UBASH3B: variants seen among roughly 807,000 people sequenced by gnomAD.
UBASH3B encodes ubiquitin associated and SH3 domain containing B, also known as ubiquitin-associated and SH3 domain-containing protein B.
UBASH3B carries 37 observed loss-of-function variants against 83.4 expected under a neutral mutation model. The ratio of observed to expected loss-of-function variants is 0.44; its 90% confidence interval spans 0.34 to 0.58. UBASH3B has a LOEUF of 0.58. UBASH3B is among the 20% of genes least tolerant of loss of function. The pLI is 0.01. For missense variants in UBASH3B, 657 were observed against 827.2 expected, an observed-to-expected ratio of 0.79 and a Z score of 2.52; for synonymous variants, 304 against 318.3, an observed-to-expected ratio of 0.96 and a Z score of 0.48.
chr11:122,792,982 T>C (rs1244307837), intron 6 of UBASH3B, among the ~76,000 whole-genome samples: 1 of 152,196 alleles, frequency 6.6e-6, no homozygotes, highest in African/African-American at 2.4e-5. Flanking sequence ...AATGAGTCTA[T>C]CACTTCTAGT....
intron 1 of UBASH3B, among the ~76,000 whole-genome samples, chr11:122,761,269 T>A (rs1441792817): frequency 6.6e-6 from 1 of 152,152 alleles, no homozygotes; most frequent in Non-Finnish European, 1.5e-5. Context: ...TTGTGTTTAC[T>A]CACATATTCT....
intron 1 of UBASH3B, among the ~76,000 whole-genome samples, chr11:122,696,062 G>C (rs1303516125): frequency 2.0e-5 from 3 of 152,114 alleles, no homozygotes; most frequent in Non-Finnish European, 4.4e-5. Context: ...CGAATCTCCT[G>C]CCTCAGCCAC....
At chr11:122,734,686 C>T (rs117233700) in intron 1 of UBASH3B, among the ~76,000 whole-genome samples, 1,902 of 151,944 alleles carry the variant, frequency 0.013, 22 homozygotes, top group Middle Eastern at 0.024. Flanking sequence ...TTCATCAAGA[C>T]GGTTTCATTA....
At chr11:122,746,076 C>A (rs570728009) in intron 1 of UBASH3B, among the ~76,000 whole-genome samples, 1 of 152,178 alleles carries the variant, frequency 6.6e-6, no homozygotes, top group South Asian at 2.1e-4. Flanking sequence ...GGTGGGCAGA[C>A]GGATAATTAG....
intron 1 of UBASH3B, among the ~76,000 whole-genome samples, chr11:122,711,873 A>G (rs1484256756): frequency 1.3e-5 from 2 of 152,134 alleles, no homozygotes; most frequent in Non-Finnish European, 2.9e-5. Context: ...AAAGAACCCC[A>G]GGGTTCATTT....
chr11:122,701,374 A>G (rs910943791), intron 1 of UBASH3B, among the ~76,000 whole-genome samples: 1 of 152,252 alleles, frequency 6.6e-6, no homozygotes, highest in Non-Finnish European at 1.5e-5. Context: ...GAGAAATTAC[A>G]TAGCATGGAA....
Position 122,675,454 on chromosome 11 carries a change from G to A in UBASH3B, c.161+19244G>A, listed in dbSNP as rs118121529. ...TCCCATTTGGTGGGGATTTGGAGAG[G>A]AATTGATATGTCACTGGATGAGATC... On this transcript the variant is annotated intron_variant, in intron 1 of 13. Coordinates refer to ENST00000284273, the MANE Select transcript of UBASH3B (RefSeq NM_032873.5). Among the ~76,000 whole-genome samples, 67 of 152,294 alleles carry A rather than the reference G, an allele frequency of 4.4e-4. 1 individual carries two copies. The East Asian group carries it at 0.011, about 25-fold the overall frequency.
At chr11:122,700,497 C>CTTTTTTTTTTTTTTTT (rs10640825) in intron 1 of UBASH3B, among the ~76,000 whole-genome samples, 1 of 118,804 alleles carries the variant, frequency 8.4e-6, no homozygotes, top group Non-Finnish European at 1.6e-5. Context: ...TACTTCTGAT[C>CTTTTTTTTTTTTTTTT]TTTTTTTTTT....
At chr11:122,713,886 T>G (rs1864232481) in intron 1 of UBASH3B, among the ~76,000 whole-genome samples, 1 of 152,190 alleles carries the variant, frequency 6.6e-6, no homozygotes, top group Non-Finnish European at 1.5e-5. Flanking sequence ...CCTCATCCAG[T>G]GCAGCCTTCC....
At chr11:122,685,490 G>C (rs982440819) in intron 1 of UBASH3B, among the ~76,000 whole-genome samples, 1 of 152,118 alleles carries the variant, frequency 6.6e-6, no homozygotes, top group African/African-American at 2.4e-5. Flanking sequence ...GTTTTAATCT[G>C]ACACATCCTC....
intron 1 of UBASH3B, among the ~76,000 whole-genome samples, chr11:122,751,065 C>A (rs1357167095): frequency 6.6e-6 from 1 of 152,116 alleles, no homozygotes; most frequent in Non-Finnish European, 1.5e-5. Context: ...CGGAAAGAAC[C>A]GTACCACGCG....
intron 1 of UBASH3B, among the ~76,000 whole-genome samples, chr11:122,688,621 C>CTTTA: frequency 7.5e-6 from 1 of 132,886 alleles, no homozygotes; most frequent in East Asian, 2.2e-4. Flanking sequence ...TAATTTTTTT[C>CTTTA]TTTCTTTTAT....
intron 1 of UBASH3B, among the ~76,000 whole-genome samples, chr11:122,768,281 C>A (rs757115645): frequency 6.6e-6 from 1 of 152,104 alleles, no homozygotes; most frequent in Non-Finnish European, 1.5e-5. Flanking sequence ...CCCACCACCA[C>A]GGCCAATGAC....
At chr11:122,781,847 A>G (rs180940711) in intron 4 of UBASH3B, among the ~76,000 whole-genome samples, 2 of 152,394 alleles carry the variant, frequency 1.3e-5, no homozygotes, top group Admixed American at 1.3e-4. Flanking sequence ...GAGTAAGGAT[A>G]CAGTGTAAGC....
chr11:122,692,671 A>G (rs532946263), intron 1 of UBASH3B, among the ~76,000 whole-genome samples: 5 of 152,348 alleles, frequency 3.3e-5, no homozygotes, highest in African/African-American at 1.2e-4. Flanking sequence ...CAGAGAAGGG[A>G]AAGACAGGGT....
rs868328258 is a variant in UBASH3B, at chr11:122,799,544, T to C, written c.1450+510T>C. Among the ~76,000 whole-genome samples, 17 of 152,010 alleles carry C rather than the reference T, an allele frequency of 1.1e-4. No individual in the cohort carries two copies. In the South Asian group the frequency reaches 3.5e-3, roughly 32 times the overall value. ...AGCAAAATAAAAGGAAGTATACTAA[T>C]GTTTTCCTTGAGAATTTAAAGTGCT... On this transcript the variant is annotated intron_variant, in intron 10 of 13. Coordinates refer to ENST00000284273, the MANE Select transcript of UBASH3B (RefSeq NM_032873.5).
intron 10 of UBASH3B, among the ~76,000 whole-genome samples, chr11:122,800,772 T>G (rs865792468): frequency 1.5e-4 from 23 of 151,932 alleles, no homozygotes; most frequent in African/African-American, 5.6e-4. Context: ...CACACCCTGT[T>G]AATGTTTGTA....
chr11:122,806,863 C>T lies in UBASH3B; in HGVS notation c.1702+347C>T, dbSNP rs1452392112. Among the ~76,000 whole-genome samples the T allele has an allele frequency of 3.9e-5, 6 of 152,198 alleles. No homozygotes were observed. Among genetic ancestry groups the T allele is most frequent in the Non-Finnish European group, 5.9e-5 (4 of 68,044 alleles). The stretch of plus-strand genomic sequence containing the variant: ...TGATGCAGCGGCATGCACACCTACA[C>T]ACAGCACACCTACACAAACACATAC... On this transcript the variant is annotated intron_variant, in intron 12 of 13. Transcript: ENST00000284273. This position sits in a 1 kb window ranked among gnomAD's most constrained non-coding sequence, Gnocchi z 4.0.
At chr11:122,771,149 C>A (rs1247714951) in intron 1 of UBASH3B, among the ~76,000 whole-genome samples, 2 of 152,098 alleles carry the variant, frequency 1.3e-5, no homozygotes, top group Admixed American at 1.3e-4. Context: ...CTGTCTCTTG[C>A]TTTCATCTGT....
Sources: allele counts gnomAD v4.1 joint callset (sites outside exome capture counted in the v4.1 genomes callset), GRCh38; gene constraint gnomAD v4.1.1; non-coding constraint Gnocchi (gnomAD v3.1); transcripts MANE v1.5; gene names NCBI Gene and HGNC (gene_info 2026-07-23, HGNC 2026-07-21).